Variants in PDE4D observed in about 807,000 individuals in gnomAD.
The protein encoded by PDE4D is 3',5'-cyclic-AMP phosphodiesterase 4D.
A neutral mutation model predicts 87.4 loss-of-function variants in PDE4D; 24 were observed. The observed-to-expected ratio is 0.27, with a 90% CI of 0.20 to 0.39. The LOEUF is 0.39. Among genes scored for constraint, PDE4D ranks in the 10% least tolerant of loss-of-function variants. The pLI is 1.00. For synonymous variants in PDE4D, 384 were observed against 383.2 expected, an observed-to-expected ratio of 1.00 and a Z score of -0.02; for missense variants, 714 against 1,041.0, an observed-to-expected ratio of 0.69 and a Z score of 4.32.
chr5:60,299,965 G>T (rs112092939), intron 1 of PDE4D, among the ~76,000 whole-genome samples: 119 of 152,262 alleles, frequency 7.8e-4, no homozygotes, highest in African/African-American at 2.8e-3. Context: ...GGTCTTTGAG[G>T]AATCGCCACA....
chr5:59,743,846 G>A (rs1357879753), intron 1 of PDE4D, among the ~76,000 whole-genome samples: 3 of 151,984 alleles, frequency 2.0e-5, no homozygotes, highest in Non-Finnish European at 4.4e-5. Context: ...CAATCAGCCT[G>A]ACACAGAACT....
intron 1 of PDE4D, among the ~76,000 whole-genome samples, chr5:59,328,364 G>A (rs1044005124): frequency 1.3e-5 from 2 of 152,192 alleles, no homozygotes; most frequent in Non-Finnish European, 2.9e-5. Context: ...CTGGCACAAT[G>A]TAGGTATTAT....
At chr5:59,884,208 C>G (rs1225729181) in intron 1 of PDE4D, among the ~76,000 whole-genome samples, 2 of 151,924 alleles carry the variant, frequency 1.3e-5, no homozygotes, top group Non-Finnish European at 2.9e-5. Flanking sequence ...CTCTCTCTCT[C>G]TACATATATA....
At chr5:60,359,338 G>A (rs1418191605) in intron 1 of PDE4D, among the ~76,000 whole-genome samples, 2 of 152,198 alleles carry the variant, frequency 1.3e-5, no homozygotes, top group Non-Finnish European at 1.5e-5. Context: ...AGCCCCGGAG[G>A]TAGAGGCTAC....
intron 1 of PDE4D, among the ~76,000 whole-genome samples, chr5:59,515,945 A>G (rs576954838): frequency 1.3e-5 from 2 of 152,342 alleles, no homozygotes; most frequent in African/African-American, 4.8e-5. Context: ...AACATACAAA[A>G]GTGGATTTCT....
intron 1 of PDE4D, among the ~76,000 whole-genome samples, chr5:60,321,269 A>T (rs11950649): frequency 0.054 from 8,219 of 152,302 alleles, 267 homozygotes; most frequent in Non-Finnish European, 0.072. Context: ...CTGATCTTTG[A>T]CAAAGTCAAC....
intron 1 of PDE4D, among the ~76,000 whole-genome samples, chr5:59,807,109 G>A (rs1767823449): frequency 6.6e-6 from 1 of 152,114 alleles, no homozygotes; most frequent in South Asian, 2.1e-4. Flanking sequence ...AGCACTGTGA[G>A]ATCAATGCTC....
chr5:60,376,662 C>A (rs1326658996), intron 1 of PDE4D, among the ~76,000 whole-genome samples: 1 of 152,212 alleles, frequency 6.6e-6, no homozygotes, highest in Admixed American at 6.5e-5. Flanking sequence ...ATCCTGGTCA[C>A]TCTTCATCGG....
chr5:59,893,206 G>A lies in PDE4D; in HGVS notation c.417C>T (p.Ser139=). The A allele has an allele frequency of 6.4e-7, 1 of 1,565,474 alleles. No individual in the cohort carries two copies. ...GGAACGAGGAGGGCCAGGACATCCTGGATTTCTTCAGGCCGGGCCGGTGGC... is the reference window on the plus strand; with the variant it reads ...GGAACGAGGAGGGCCAGGACATCCTAGATTTCTTCAGGCCGGGCCGGTGGC... ...ETGHRPGLKK[S]RMSWPSSFQG... is the part of the protein sequence containing the mutation. The change falls in exon 1 of 15, where the codon TCC becomes TCT. Residue 139 remains serine (S), a synonymous_variant. Transcript: ENST00000340635.
At chr5:58,999,565 A>ATG (rs755645851) in intron 6 of PDE4D, 8 of 1,195,402 alleles carry the variant, frequency 6.7e-6, no homozygotes, top group Non-Finnish European at 8.6e-6. Flanking sequence ...ATATATATAT[A>ATG]TATGTATATA....
chr5:59,238,224 A>G (rs1465804119), intron 1 of PDE4D, among the ~76,000 whole-genome samples: 1 of 152,172 alleles, frequency 6.6e-6, no homozygotes, highest in Non-Finnish European at 1.5e-5. Context: ...ATTTGGGGCT[A>G]TTACTTATGT....
intron 2 of PDE4D, among the ~76,000 whole-genome samples, chr5:60,094,024 C>A (rs1775415236): frequency 6.6e-6 from 1 of 152,108 alleles, no homozygotes; most frequent in African/African-American, 2.4e-5. Flanking sequence ...GGAAAATCAG[C>A]ATTTTATTAA....
At chr5:60,322,089 A>G (rs749597260) in intron 1 of PDE4D, among the ~76,000 whole-genome samples, 1 of 152,136 alleles carries the variant, frequency 6.6e-6, no homozygotes, top group Non-Finnish European at 1.5e-5. Context: ...ATTCTACCAT[A>G]AAGACACATG....
intron 1 of PDE4D, among the ~76,000 whole-genome samples, chr5:60,331,584 T>G (rs566211901): frequency 1.3e-5 from 2 of 152,340 alleles, no homozygotes; most frequent in South Asian, 4.1e-4. Flanking sequence ...TGGACTACCC[T>G]GGCAGGAAAT....
chr5:59,411,049 A>G (rs1475373500), intron 1 of PDE4D, among the ~76,000 whole-genome samples: 1 of 152,132 alleles, frequency 6.6e-6, no homozygotes, highest in African/African-American at 2.4e-5. Context: ...AATGAGGATA[A>G]AGTGGCACTG....
At chr5:60,427,941 G>A (rs1024769836) in intron 1 of PDE4D, among the ~76,000 whole-genome samples, 4 of 152,032 alleles carry the variant, frequency 2.6e-5, no homozygotes, top group African/African-American at 9.7e-5. Flanking sequence ...ACTAGGTGTG[G>A]TGGCACATGA....
chr5:59,708,088 G>T (rs141410406), intron 1 of PDE4D, among the ~76,000 whole-genome samples: 1 of 152,100 alleles, frequency 6.6e-6, no homozygotes, highest in Admixed American at 6.6e-5. Flanking sequence ...GTGTAAAAGC[G>T]TTCCTACTTC....
chr5:59,726,854 A>T (rs1251856011), intron 1 of PDE4D, among the ~76,000 whole-genome samples: 2 of 149,744 alleles, frequency 1.3e-5, no homozygotes, highest in Non-Finnish European at 3.0e-5. Context: ...TGAATATAGA[A>T]GATCAACTAT....
intron 1 of PDE4D, among the ~76,000 whole-genome samples, chr5:60,321,729 A>G (rs2149841128): frequency 6.6e-6 from 1 of 152,336 alleles, no homozygotes; most frequent in East Asian, 1.9e-4. Flanking sequence ...CAAAGTGAGC[A>G]AAGGACATGA....
Sources: allele counts gnomAD v4.1 joint callset (sites outside exome capture counted in the v4.1 genomes callset), GRCh38; gene constraint gnomAD v4.1.1; transcripts MANE v1.5; gene names NCBI Gene and HGNC (gene_info 2026-07-23, HGNC 2026-07-21).